The following CACNA1B variants were observed in gnomAD, a reference collection of about 807,000 sequenced individuals.
CACNA1B encodes voltage-dependent N-type calcium channel subunit alpha-1B.
CACNA1B carries 70 observed loss-of-function variants against 247.2 expected under a neutral mutation model. The ratio of observed to expected loss-of-function variants is 0.28; its 90% confidence interval spans 0.23 to 0.35. CACNA1B has a LOEUF of 0.35. Ranked by LOEUF, CACNA1B falls within the 10% of genes least tolerant of loss-of-function variation. The pLI is 1.00. For missense variants in CACNA1B, 2,367 were observed against 3,197.4 expected, an observed-to-expected ratio of 0.74 and a Z score of 6.26; for synonymous variants, 1,231 against 1,294.4, an observed-to-expected ratio of 0.95 and a Z score of 1.05.
Position 138,096,581 on chromosome 9 carries a change from G to A in CACNA1B, c.5192G>A (p.Arg1731Gln), listed in dbSNP as rs1001161710. ...LGPHHLDEFI[R>Q]VWAEYDPAAC... ...CCTCACCACTTGGATGAGTTCATCC[G>A]GGTCTGGGCTGAATACGACCCGGCT... Residue 1731 changes from arginine (R) to glutamine (Q), a missense_variant, in exon 37 of 47, where the codon CGG becomes CAG. Physicochemically the swap from Arg to Gln is conservative, Grantham distance 43. This residue lies in a region of CACNA1B where 55 missense variants were observed against 107.8 expected (regional missense o/e 0.51). Transcript: ENST00000371372. The A allele has an allele frequency of 6.8e-6, 11 of 1,612,856 alleles. No homozygotes were observed. The highest frequency in any genetic ancestry group is 2.7e-5 in the African/African-American group (2 of 74,740).
chr9:137,977,554 C>A (rs928217454), intron 12 of CACNA1B, among the ~76,000 whole-genome samples: 5 of 152,170 alleles, frequency 3.3e-5, no homozygotes, highest in African/African-American at 4.8e-5. Flanking sequence ...CAGGGCAGGG[C>A]AGTCTGAGAA....
rs1265888556 is a variant in CACNA1B, at chr9:137,954,294, C to T, written c.1071-1404C>T. Reference sequence around the variant, plus strand: ...AAGCCGCGGCTCTGCCATGTCTGGGCGAGAGCTGCAGGAGGGGCCAGCTTG... The same window carrying T: ...AAGCCGCGGCTCTGCCATGTCTGGGTGAGAGCTGCAGGAGGGGCCAGCTTG... On this transcript the variant is annotated intron_variant, in intron 7 of 46. Transcript: ENST00000371372. The surrounding 1 kb of genome is among the most constrained non-coding windows in gnomAD (Gnocchi z 4.1). Among the ~76,000 whole-genome samples the T allele has an allele frequency of 2.0e-5, 3 of 152,194 alleles. No individual in the cohort carries two copies. Among genetic ancestry groups the T allele is most frequent in the Non-Finnish European group, 2.9e-5 (2 of 68,024 alleles).
At chr9:138,013,308 G>A (rs1170466298) in intron 18 of CACNA1B, 73 bp downstream of exon 18, 3 of 1,162,646 alleles carry the variant, frequency 2.6e-6, no homozygotes, top group African/African-American at 1.6e-5. Flanking sequence ...GCCCTCCCCA[G>A]GGCACCCCTT....
At chr9:137,962,226 T>C (rs185884385) in intron 10 of CACNA1B, among the ~76,000 whole-genome samples, 1 of 152,196 alleles carries the variant, frequency 6.6e-6, no homozygotes, top group East Asian at 1.9e-4. Flanking sequence ...AGTGGTGATA[T>C]CTCCTTTATC....
chr9:138,039,343 A>T, intron 20 of CACNA1B, among the ~76,000 whole-genome samples: 1 of 151,812 alleles, frequency 6.6e-6, no homozygotes, highest in Non-Finnish European at 1.5e-5. Flanking sequence ...TTGTCTTTTT[A>T]CCTTGCTTAT....
intron 6 of CACNA1B, among the ~76,000 whole-genome samples, chr9:137,920,614 G>A (rs1228099198): frequency 6.6e-6 from 1 of 152,204 alleles, no homozygotes; most frequent in Non-Finnish European, 1.5e-5. Flanking sequence ...ATCATCTAGG[G>A]GCATGGGAAG....
chr9:138,093,712 C>T (rs1960958349), intron 36 of CACNA1B, among the ~76,000 whole-genome samples: 1 of 151,586 alleles, frequency 6.6e-6, no homozygotes, highest in African/African-American at 2.4e-5. Context: ...TGCACTCCAG[C>T]CTGGGAGACA....
At chr9:138,083,650 C>G (rs1960601036) in intron 36 of CACNA1B, among the ~76,000 whole-genome samples, 1 of 148,620 alleles carries the variant, frequency 6.7e-6, no homozygotes, top group Non-Finnish European at 1.5e-5. Flanking sequence ...GGTACCCTGC[C>G]ATCCCAGATA....
intron 11 of CACNA1B, among the ~76,000 whole-genome samples, chr9:137,972,403 C>T (rs1958164386): frequency 6.6e-6 from 1 of 152,116 alleles, no homozygotes; most frequent in Non-Finnish European, 1.5e-5. Flanking sequence ...GTTTGGGGCT[C>T]CCTGGAGGGC....
intron 10 of CACNA1B, among the ~76,000 whole-genome samples, chr9:137,960,420 GT>G (rs1958004631): frequency 8.4e-5 from 1 of 11,858 alleles, no homozygotes; most frequent in Admixed American, 9.2e-4. Context: ...GGGAGGGGAG[GT>G]CAGCCTGAGA....
In CACNA1B at chr9:137,956,653, C is replaced by CA. The variant is rs879084940; in HGVS notation, c.1187-101dup. On this transcript the variant is annotated intron_variant, in intron 8 of 46. Coordinates refer to ENST00000371372, the MANE Select transcript of CACNA1B (RefSeq NM_000718.4). Reference sequence around the variant, plus strand: ...TGGGTGACAGAGCGAGACTCCATCTCAAAAAAAAAAAAAAAAAGAGCTGAG... The same window carrying CA: ...TGGGTGACAGAGCGAGACTCCATCTCAAAAAAAAAAAAAAAAAAGAGCTGAG... The CA allele has an allele frequency of 0.094, 46,900 of 499,070 alleles. 66 individuals carry two copies. The highest frequency in any genetic ancestry group is 0.1 in the East Asian group (2,579 of 24,956). The allele number at this position is 499,070 out of a possible 1,614,324, so 30.9% of individuals were successfully genotyped here. A position where few individuals can be genotyped will look rare whatever the true frequency, so the allele number is the denominator to read the frequency against.
chr9:137,887,085 C>T (rs1243946493), intron 3 of CACNA1B, among the ~76,000 whole-genome samples: 1 of 151,654 alleles, frequency 6.6e-6, no homozygotes, highest in Non-Finnish European at 1.5e-5. Context: ...TTACAAGTGG[C>T]AGCTGGCGGT....
chr9:138,087,125 C>T (rs1386587515), intron 36 of CACNA1B, among the ~76,000 whole-genome samples: 1 of 150,996 alleles, frequency 6.6e-6, no homozygotes, highest in Non-Finnish European at 1.5e-5. Flanking sequence ...GTAGCTCACG[C>T]CTGTAATCCC....
intron 6 of CACNA1B, among the ~76,000 whole-genome samples, chr9:137,923,594 G>C (rs1270879033): frequency 1.3e-5 from 2 of 152,188 alleles, no homozygotes; most frequent in Non-Finnish European, 2.9e-5. Flanking sequence ...TTCCAATTTG[G>C]GGTTATTATG....
rs1462284819 is a variant in CACNA1B at position 137,917,431 on chromosome 9, T to C, written c.966T>C (p.Asn322=). 1 of 1,612,968 alleles carries C rather than the reference T, an allele frequency of 6.2e-7. No homozygotes were observed. Among genetic ancestry groups the C allele is most frequent in the Non-Finnish European group, 8.5e-7 (1 of 1,179,256 alleles). Residue 322 remains asparagine (N), a splice_region_variant and synonymous_variant, in exon 6 of 47, where the codon AAT becomes AAC. Coordinates refer to ENST00000371372, the MANE Select transcript of CACNA1B (RefSeq NM_000718.4). The surrounding 1 kb of genome is among the most constrained non-coding windows in gnomAD (Gnocchi z 5.5). ...AGGGCTGGACTGACATCCTCTATAATGTGAGTGGCGTCTTGGCCCTGGGCC... is the reference window on the plus strand; with the variant it reads ...AGGGCTGGACTGACATCCTCTATAACGTGAGTGGCGTCTTGGCCCTGGGCC... ...TMEGWTDILY[N]TNDAAGNTWN...
chr9:137,998,561 G>A (rs780457708), intron 15 of CACNA1B, among the ~76,000 whole-genome samples: 3 of 152,310 alleles, frequency 2.0e-5, no homozygotes, highest in Non-Finnish European at 2.9e-5. Context: ...CAGCCTGGGC[G>A]ACAGAGCGAG....
chr9:138,047,560 C>CTTAA (rs1285433457), intron 23 of CACNA1B, 102 bp downstream of exon 23: 3 of 790,486 alleles, frequency 3.8e-6, no homozygotes, highest in Non-Finnish European at 6.6e-6. Context: ...TCTATAAACT[C>CTTAA]TTAAGACATA....
intron 20 of CACNA1B, among the ~76,000 whole-genome samples, chr9:138,028,802 A>G (rs1958952610): frequency 6.6e-6 from 1 of 152,236 alleles, no homozygotes; most frequent in African/African-American, 2.4e-5. Flanking sequence ...TGATTGGTCC[A>G]TATAGCTGAG....
intron 9 of CACNA1B, 45 bp downstream of exon 9, chr9:137,956,872 T>C (rs763127422): frequency 1.3e-6 from 2 of 1,539,016 alleles, no homozygotes; most frequent in Admixed American, 3.4e-5. Context: ...AGTGCTCTGG[T>C]GGCCACGTGG....
Sources: gnomAD v4.1 joint callset for allele counts (sites outside exome capture counted in the v4.1 genomes callset) on GRCh38, gnomAD v4.1.1 for gene constraint, gnomAD v4.1.1 regional missense constraint, Gnocchi (gnomAD v3.1) non-coding constraint, MANE v1.5 for transcripts, NCBI Gene and HGNC (gene_info 2026-07-23, HGNC 2026-07-21) for gene names.